The following DOCK3 variants were observed in gnomAD, a reference collection of about 807,000 sequenced individuals.
DOCK3 encodes the protein dedicator of cytokinesis protein 3.
A neutral mutation model predicts 265.6 loss-of-function variants in DOCK3; 60 were observed. The observed-to-expected ratio is 0.23, with a 90% CI of 0.18 to 0.28. The LOEUF (loss-of-function observed/expected upper bound fraction) is 0.28, where lower values mean the gene tolerates loss of function less well. DOCK3 is among the 10% of genes least tolerant of loss of function. The probability of loss-of-function intolerance (pLI) is 1.00; values close to 1 mark genes in which losing one functional copy is unlikely to be tolerated. For synonymous variants in DOCK3, 881 were observed against 938.0 expected, an observed-to-expected ratio of 0.94 and a Z score of 1.11; for missense variants, 1,981 against 2,594.3, an observed-to-expected ratio of 0.76 and a Z score of 5.14.
At chr3:50,999,690 A>G (rs908949989) in intron 5 of DOCK3, among the ~76,000 whole-genome samples, 1 of 151,752 alleles carries the variant, frequency 6.6e-6, no homozygotes, top group African/African-American at 2.4e-5. Context: ...CAACATGTGC[A>G]AAAAAAAGGC....
chr3:51,116,029 C>T (rs191385718), intron 9 of DOCK3, among the ~76,000 whole-genome samples: 48 of 152,232 alleles, frequency 3.2e-4, no homozygotes, highest in African/African-American at 1.1e-3. Flanking sequence ...CAGTACTGTG[C>T]TGTTTTGGTT....
intron 3 of DOCK3, chr3:50,876,968 C>A: frequency 6.5e-6 from 1 of 153,716 alleles, no homozygotes; most frequent in Non-Finnish European, 1.4e-5. Context: ...TTTAAAAAGC[C>A]CATCAGCTCT....
At chr3:51,063,772 G>T (rs1229578565) in intron 5 of DOCK3, among the ~76,000 whole-genome samples, 1 of 152,000 alleles carries the variant, frequency 6.6e-6, no homozygotes, top group Non-Finnish European at 1.5e-5. Context: ...TACTTTTAAG[G>T]TTAAAACTAC....
intron 38 of DOCK3, among the ~76,000 whole-genome samples, chr3:51,348,559 T>G (rs1200062841): frequency 4.6e-5 from 7 of 152,224 alleles, no homozygotes; most frequent in South Asian, 2.1e-4. Flanking sequence ...TTAAGATAAC[T>G]TCATAGTAAC....
At chr3:51,068,307 G>A (rs1297862747) in intron 6 of DOCK3, among the ~76,000 whole-genome samples, 1 of 152,022 alleles carries the variant, frequency 6.6e-6, no homozygotes, top group East Asian at 1.9e-4. Flanking sequence ...TTGGGAGGCC[G>A]AGGCGGGCAG....
intron 9 of DOCK3, among the ~76,000 whole-genome samples, chr3:51,114,827 C>T (rs1435241461): frequency 6.6e-6 from 1 of 151,904 alleles, no homozygotes; most frequent in Non-Finnish European, 1.5e-5. Context: ...CAACAGGCCC[C>T]AGTGTGTGAT....
chr3:51,264,829 AAAAT>A (rs71084138), intron 23 of DOCK3, among the ~76,000 whole-genome samples: 40 of 142,160 alleles, frequency 2.8e-4, no homozygotes, highest in Admixed American at 6.3e-4. Flanking sequence ...TCAGTCTCAA[AAAAT>A]AAATAAATAA....
At chr3:51,256,378 C>T (rs1052105790) in intron 22 of DOCK3, among the ~76,000 whole-genome samples, 3 of 152,180 alleles carry the variant, frequency 2.0e-5, no homozygotes, top group Non-Finnish European at 2.9e-5. Flanking sequence ...TTAAGTGATT[C>T]TCCTGCCTTA....
intron 14 of DOCK3, among the ~76,000 whole-genome samples, chr3:51,224,098 ACACATTT>A (rs1255322721): frequency 6.6e-6 from 1 of 152,214 alleles, no homozygotes; most frequent in Non-Finnish European, 1.5e-5. Flanking sequence ...GATTTTCAAA[ACACATTT>A]TCTTCTTCCT....
At chr3:51,331,452 C>G (rs1458945913) in intron 33 of DOCK3, among the ~76,000 whole-genome samples, 1 of 151,788 alleles carries the variant, frequency 6.6e-6, no homozygotes, top group African/African-American at 2.4e-5. Context: ...CTGACCAAAT[C>G]ATGTTTATAA....
chr3:50,869,574 G>A (rs928686055), intron 3 of DOCK3, among the ~76,000 whole-genome samples: 1 of 151,422 alleles, frequency 6.6e-6, no homozygotes, highest in African/African-American at 2.4e-5. Context: ...GTTTTGCCGT[G>A]TTGGCCAGGC....
At chr3:51,368,779 A>G (rs999500271) in intron 49 of DOCK3, among the ~76,000 whole-genome samples, 4 of 152,222 alleles carry the variant, frequency 2.6e-5, no homozygotes, top group Non-Finnish European at 5.9e-5. Flanking sequence ...CTGAACCCTC[A>G]GGAGCCTAAC....
chr3:50,706,573 A>G (rs1342605330), intron 1 of DOCK3, among the ~76,000 whole-genome samples: 1 of 152,034 alleles, frequency 6.6e-6, no homozygotes, highest in Non-Finnish European at 1.5e-5. Context: ...CTTGGAGAAA[A>G]CCTTATGGGA....
chr3:51,151,918 G>T lies in DOCK3; in HGVS notation c.828+5288G>T, dbSNP rs577500038. Among the ~76,000 whole-genome samples the T allele has an allele frequency of 9.0e-4, 137 of 152,216 alleles. 3 individuals are homozygous for T. In the South Asian group the frequency reaches 0.027, roughly 30 times the overall value. On this transcript the variant is annotated intron_variant, in intron 10 of 52. Transcript: ENST00000266037. Reference sequence around the variant, plus strand: ...GGTAACCTGACTTTTCTCTCTCGCTGCCCTTAACATTTTTTCCTTCATTTC... The same window carrying T: ...GGTAACCTGACTTTTCTCTCTCGCTTCCCTTAACATTTTTTCCTTCATTTC...
chr3:50,941,052 A>G (rs1337491697), intron 5 of DOCK3, among the ~76,000 whole-genome samples: 2 of 152,218 alleles, frequency 1.3e-5, no homozygotes, highest in African/African-American at 4.8e-5. Flanking sequence ...AATGATCCAT[A>G]GAGTAAAAAG....
At position 51,239,573 on chromosome 3, in the gene DOCK3, TG is replaced by T. The variant is rs199967582; in HGVS notation, c.2102+1984del. ...GTCCTGGGTTTTTTTTTTGTTTGTTTGTTTTTTGTTTTTTTTGTTTTTTTTT... is the reference window on the plus strand; with the variant it reads ...GTCCTGGGTTTTTTTTTTGTTTGTTTTTTTTTGTTTTTTTTGTTTTTTTTT... On this transcript the variant is annotated intron_variant, in intron 21 of 52. Transcript: ENST00000266037. Among the ~76,000 whole-genome samples the T allele has an allele frequency of 8.8e-5, 11 of 124,516 alleles. No homozygotes were observed. The South Asian group carries it at 1.7e-3, about 19-fold the overall frequency. 81.7% of individuals were successfully genotyped at this position (124,516 alleles called of 152,430 possible). A position where few individuals can be genotyped will look rare whatever the true frequency, so the allele number is the denominator to read the frequency against.
intron 1 of DOCK3, among the ~76,000 whole-genome samples, chr3:50,740,819 G>T (rs570952077): frequency 6.6e-6 from 1 of 152,114 alleles, no homozygotes; most frequent in South Asian, 2.1e-4. Context: ...GCTTTTTAAA[G>T]AATTGTGTTA....
intron 2 of DOCK3, among the ~76,000 whole-genome samples, chr3:50,803,054 A>G (rs1057355739): frequency 6.8e-6 from 1 of 147,120 alleles, no homozygotes; most frequent in African/African-American, 2.5e-5. Flanking sequence ...TTATGTATTT[A>G]TGTATTTATT....
intron 40 of DOCK3, among the ~76,000 whole-genome samples, chr3:51,350,952 C>A (rs1333553430): frequency 1.3e-5 from 2 of 152,218 alleles, no homozygotes; most frequent in East Asian, 3.8e-4. Context: ...AAAGCCTCTT[C>A]TAGGCAGCCA....
Sources: gnomAD v4.1 joint callset for allele counts (sites outside exome capture counted in the v4.1 genomes callset) on GRCh38, gnomAD v4.1.1 for gene constraint, MANE v1.5 for transcripts, NCBI Gene and HGNC (gene_info 2026-07-23, HGNC 2026-07-21) for gene names.